Variants in NRXN1 observed in about 807,000 individuals in gnomAD.
The protein encoded by NRXN1 is neurexin 1.
A neutral mutation model predicts 150.9 loss-of-function variants in NRXN1; 39 were observed. The ratio of observed to expected loss-of-function variants is 0.26; its 90% CI spans 0.20 to 0.34. The LOEUF (loss-of-function observed/expected upper bound fraction) is 0.34, where lower values mean the gene tolerates loss of function less well. NRXN1 is among the 10% of genes least tolerant of loss of function. The pLI is 1.00. For synonymous variants in NRXN1, 924 were observed against 757.0 expected, an observed-to-expected ratio of 1.22 and a Z score of -3.62; for missense variants, 1,815 against 1,949.9, an observed-to-expected ratio of 0.93 and a Z score of 1.30.
At chr2:50,400,092 T>C (rs558533117) in intron 17 of NRXN1, among the ~76,000 whole-genome samples, 36 of 152,160 alleles carry the variant, frequency 2.4e-4, no homozygotes, top group African/African-American at 8.2e-4. Context: ...CTGAACAAAC[T>C]GTACTTGGTT....
chr2:50,221,181 A>T (rs969366606), intron 18 of NRXN1, among the ~76,000 whole-genome samples: 8 of 124,016 alleles, frequency 6.5e-5, no homozygotes, highest in African/African-American at 2.3e-4. Context: ...AACCTGTTGG[A>T]AATAAACAAC....
chr2:50,391,594 G>T (rs1239128457), intron 17 of NRXN1, among the ~76,000 whole-genome samples: 1 of 152,056 alleles, frequency 6.6e-6, no homozygotes, highest in Non-Finnish European at 1.5e-5. Context: ...GACAATGTTG[G>T]TTTTTGTCAC....
At chr2:50,170,447 C>A (rs963919595) in intron 18 of NRXN1, among the ~76,000 whole-genome samples, 4 of 151,994 alleles carry the variant, frequency 2.6e-5, no homozygotes, top group African/African-American at 9.7e-5. Flanking sequence ...AGGTGTGCAC[C>A]ACCACATCCA....
chr2:50,520,604 G>C (rs1207355760), intron 12 of NRXN1, among the ~76,000 whole-genome samples: 1 of 151,876 alleles, frequency 6.6e-6, no homozygotes, highest in Non-Finnish European at 1.5e-5. Flanking sequence ...AAAAAAATAG[G>C]AGATGCTGAT....
intron 5 of NRXN1, among the ~76,000 whole-genome samples, chr2:50,665,972 A>G (rs1441653537): frequency 1.3e-5 from 2 of 151,914 alleles, no homozygotes; most frequent in African/African-American, 4.8e-5. Flanking sequence ...TTATACATCT[A>G]TGAAACTGCA....
chr2:49,984,753 G>C (rs1203448793), intron 21 of NRXN1, among the ~76,000 whole-genome samples: 1 of 116,876 alleles, frequency 8.6e-6, no homozygotes, highest in Non-Finnish European at 2.0e-5. Context: ...ACACACGATA[G>C]TATATTATAA....
At position 50,212,021 on chromosome 2, in the gene NRXN1, A is replaced by C. The variant is rs148429958; in HGVS notation, c.3546+24768T>G. Among the ~76,000 whole-genome samples the C allele has an allele frequency of 3.6e-4, 54 of 151,386 alleles. No homozygotes were observed. The East Asian group carries it at 0.01, about 29-fold the overall frequency. On this transcript the variant is annotated intron_variant, in intron 18 of 22. Transcript: ENST00000401669. ...ATCTTAAGAGCTACACTAGACAGAA[A>C]ATTTTTGCTTATTGGCAAACTAAAT...
intron 5 of NRXN1, among the ~76,000 whole-genome samples, chr2:50,837,068 T>A (rs147628212): frequency 6.6e-6 from 1 of 152,106 alleles, no homozygotes; most frequent in African/African-American, 2.4e-5. Context: ...TAGACTTTGC[T>A]CTTTAAAATA....
chr2:50,435,044 A>T (rs758785867), intron 17 of NRXN1, among the ~76,000 whole-genome samples: 1 of 152,228 alleles, frequency 6.6e-6, no homozygotes, highest in African/African-American at 2.4e-5. Context: ...AACATATTGA[A>T]CTATGTATAT....
intron 8 of NRXN1, among the ~76,000 whole-genome samples, chr2:50,559,933 A>T (rs1047226128): frequency 2.6e-5 from 4 of 152,198 alleles, no homozygotes; most frequent in Admixed American, 6.5e-5. Context: ...ATTTTAGCAC[A>T]TATAAAGTTG....
chr2:50,523,425 G>A (rs1277431604), intron 12 of NRXN1, among the ~76,000 whole-genome samples: 2 of 152,062 alleles, frequency 1.3e-5, no homozygotes, highest in Non-Finnish European at 2.9e-5. Flanking sequence ...TCTGCTCTCA[G>A]GCATCAAGCA....
chr2:50,054,844 A>C, intron 20 of NRXN1, 111 bp downstream of exon 20: 2 of 671,790 alleles, frequency 3.0e-6, no homozygotes, highest in Non-Finnish European at 4.8e-6. Flanking sequence ...GTTGTTTTTA[A>C]TTTAGTTTTA....
At chr2:50,403,515 T>C (rs1321015084) in intron 17 of NRXN1, among the ~76,000 whole-genome samples, 1 of 152,142 alleles carries the variant, frequency 6.6e-6, no homozygotes, top group East Asian at 1.9e-4. Context: ...TGTTATCTAG[T>C]ACATATGTAC....
intron 19 of NRXN1, among the ~76,000 whole-genome samples, chr2:50,083,621 G>A (rs762844552): frequency 3.9e-5 from 6 of 152,096 alleles, no homozygotes; most frequent in Admixed American, 1.3e-4. Context: ...GGGCTGGCTC[G>A]GGCAGCCTGC....
chr2:50,581,056 T>C (rs953745851), intron 8 of NRXN1, among the ~76,000 whole-genome samples: 1 of 152,134 alleles, frequency 6.6e-6, no homozygotes, highest in Non-Finnish European at 1.5e-5. Context: ...ATCAACAGAA[T>C]TATGAGTTTT....
chr2:50,447,435 G>C (rs13014251), intron 17 of NRXN1, among the ~76,000 whole-genome samples: 31,715 of 128,304 alleles, frequency 0.25, 4,211 homozygotes, highest in East Asian at 0.45. Context: ...AGCTCAGATT[G>C]TGACACTGCT....
intron 5 of NRXN1, among the ~76,000 whole-genome samples, chr2:50,901,802 A>G (rs918173908): frequency 2.6e-5 from 4 of 152,226 alleles, no homozygotes; most frequent in African/African-American, 9.6e-5. Context: ...TCTTCAGTAA[A>G]TGTGAATTAT....
At chr2:50,305,117 C>G (rs528660326) in intron 17 of NRXN1, among the ~76,000 whole-genome samples, 1 of 152,154 alleles carries the variant, frequency 6.6e-6, no homozygotes, top group East Asian at 1.9e-4. Flanking sequence ...GGAAAAGGTA[C>G]TCACTAGTTT....
chr2:50,639,197 C>G (rs1245252534), intron 5 of NRXN1, among the ~76,000 whole-genome samples: 1 of 134,964 alleles, frequency 7.4e-6, no homozygotes, highest in Non-Finnish European at 1.6e-5. Flanking sequence ...ATGCATTTAT[C>G]ATTTTTTTCT....
Sources: gnomAD v4.1 joint callset for allele counts (sites outside exome capture counted in the v4.1 genomes callset) on GRCh38, gnomAD v4.1.1 for gene constraint, MANE v1.5 for transcripts, NCBI Gene and HGNC (gene_info 2026-07-23, HGNC 2026-07-21) for gene names.